MAGI2: variants seen among roughly 807,000 people sequenced by gnomAD.
MAGI2 encodes the protein membrane associated guanylate kinase, WW and PDZ domain containing 2.
MAGI2 carries 35 observed loss-of-function variants against 133.3 expected under a neutral mutation model. That is an observed-to-expected ratio of 0.26 (90% CI 0.20 to 0.35). The LOEUF (loss-of-function observed/expected upper bound fraction) is 0.35, where lower values mean the gene tolerates loss of function less well. Among genes scored for constraint, MAGI2 ranks in the 10% least tolerant of loss-of-function variants. The pLI, the probability that MAGI2 is intolerant of heterozygous loss-of-function variation, is 1.00. For synonymous variants in MAGI2, 729 were observed against 710.6 expected (o/e 1.03, Z -0.41); for missense variants, 1,636 against 1,863.4 (o/e 0.88, Z 2.25).
chr7:78,254,590 G>C (rs1428041082), intron 10 of MAGI2: 3 of 152,184 alleles, frequency 2.0e-5, no homozygotes, highest in Non-Finnish European at 2.9e-5. Context: ...CTAAGACTTT[G>C]TAGAGTGCTG....
chr7:78,312,760 C>T (rs1023292924), intron 9 of MAGI2, among the ~76,000 whole-genome samples: 22 of 151,754 alleles, frequency 1.4e-4, no homozygotes, highest in African/African-American at 5.1e-4. Context: ...AAAATAGAAC[C>T]GCCATTCCAT....
At chr7:78,041,297 G>C (rs1188266642) in intron 21 of MAGI2, among the ~76,000 whole-genome samples, 1 of 152,184 alleles carries the variant, frequency 6.6e-6, no homozygotes, top group Admixed American at 6.5e-5. Flanking sequence ...TTGGTTGAAT[G>C]AAAGACATAG....
At chr7:79,287,605 A>C (rs1836117160) in intron 1 of MAGI2, among the ~76,000 whole-genome samples, 1 of 152,170 alleles carries the variant, frequency 6.6e-6, no homozygotes, top group Non-Finnish European at 1.5e-5. Context: ...CATGATACAT[A>C]ACCTGTCTGA....
chr7:79,200,627 T>G lies in MAGI2; in HGVS notation c.302-193421A>C, dbSNP rs975965512. Reference sequence around the variant, plus strand: ...CCCCATCTCAAAAAAAAAAAAAAGTTTATATCTATTGATATATCTCATTTC... The same window carrying G: ...CCCCATCTCAAAAAAAAAAAAAAGTGTATATCTATTGATATATCTCATTTC... On this transcript the variant is annotated intron_variant, in intron 1 of 21. Transcript: ENST00000354212. Among the ~76,000 whole-genome samples the G allele has an allele frequency of 1.7e-4, 26 of 151,402 alleles. 1 individual carries two copies. The highest frequency in any genetic ancestry group is 6.3e-4 in the African/African-American group (26 of 41,024).
At chr7:78,302,291 C>T (rs1401498470) in intron 9 of MAGI2, among the ~76,000 whole-genome samples, 1 of 152,096 alleles carries the variant, frequency 6.6e-6, no homozygotes, top group Non-Finnish European at 1.5e-5. Flanking sequence ...TGCCTTGGTC[C>T]CATCTTTACA....
intron 2 of MAGI2, among the ~76,000 whole-genome samples, chr7:78,851,126 GAAGAT>G (rs1162270643): frequency 1.3e-5 from 2 of 151,924 alleles, no homozygotes; most frequent in Non-Finnish European, 2.9e-5. Flanking sequence ...TTTTCGTAGA[GAAGAT>G]AAGAAAATAA....
chr7:79,208,276 A>G (rs551531837), intron 1 of MAGI2, among the ~76,000 whole-genome samples: 3 of 152,094 alleles, frequency 2.0e-5, no homozygotes, highest in Non-Finnish European at 4.4e-5. Flanking sequence ...ATATTTTCAA[A>G]ATATACATCT....
At chr7:79,117,331 T>C (rs1243172094) in intron 1 of MAGI2, among the ~76,000 whole-genome samples, 5 of 152,100 alleles carry the variant, frequency 3.3e-5, no homozygotes, top group African/African-American at 1.2e-4. Context: ...AATATTTACC[T>C]CTCAAGAGCA....
At chr7:78,451,029 T>A (rs1388088858) in intron 6 of MAGI2, among the ~76,000 whole-genome samples, 1 of 152,072 alleles carries the variant, frequency 6.6e-6, no homozygotes, top group Non-Finnish European at 1.5e-5. Flanking sequence ...AGTAGTGAAA[T>A]GTTGACATCA....
intron 1 of MAGI2, among the ~76,000 whole-genome samples, chr7:79,191,238 T>A (rs1383276407): frequency 1.3e-5 from 2 of 151,612 alleles, no homozygotes; most frequent in Non-Finnish European, 2.9e-5. Context: ...TGATTTAGGT[T>A]GTGTTAAATT....
chr7:78,586,207 G>A (rs1245069798), intron 3 of MAGI2, among the ~76,000 whole-genome samples: 2 of 152,188 alleles, frequency 1.3e-5, no homozygotes, highest in Non-Finnish European at 2.9e-5. Flanking sequence ...ATTCAGCAAT[G>A]TTAGTTTCCT....
At chr7:78,614,484 C>T (rs978968075) in intron 3 of MAGI2, 8 of 152,048 alleles carry the variant, frequency 5.3e-5, no homozygotes, top group African/African-American at 1.9e-4. Context: ...ATGCCACATA[C>T]AAGATTTCTG....
intron 2 of MAGI2, among the ~76,000 whole-genome samples, chr7:78,774,802 G>T (rs887176061): frequency 2.6e-5 from 4 of 152,192 alleles, no homozygotes; most frequent in Non-Finnish European, 4.4e-5. Context: ...AGAGACTAAA[G>T]GTCCCAGATG....
intron 9 of MAGI2, among the ~76,000 whole-genome samples, chr7:78,312,949 T>C (rs1000457712): frequency 6.6e-6 from 1 of 150,964 alleles, no homozygotes; most frequent in Non-Finnish European, 1.5e-5. Context: ...TATATATGTG[T>C]ATATAGATAT....
At chr7:79,208,608 G>T (rs1333829042) in intron 1 of MAGI2, among the ~76,000 whole-genome samples, 1 of 151,980 alleles carries the variant, frequency 6.6e-6, no homozygotes, top group Admixed American at 6.6e-5. Flanking sequence ...AGCCATCATG[G>T]AAAACAGTAT....
chr7:78,497,636 A>G (rs188555508), intron 5 of MAGI2, among the ~76,000 whole-genome samples: 15 of 152,318 alleles, frequency 9.8e-5, no homozygotes, highest in African/African-American at 2.9e-4. Context: ...ACCTTAACTC[A>G]AAACCTATAC....
At chr7:78,909,643 T>C (rs1336550755) in intron 2 of MAGI2, among the ~76,000 whole-genome samples, 9 of 134,934 alleles carry the variant, frequency 6.7e-5, no homozygotes, top group African/African-American at 2.5e-4. Context: ...AAACAACAGA[T>C]ACTGGTGAGG....
intron 2 of MAGI2, among the ~76,000 whole-genome samples, chr7:78,802,119 T>C (rs1471168313): frequency 6.6e-6 from 1 of 152,232 alleles, no homozygotes; most frequent in Non-Finnish European, 1.5e-5. Context: ...TTCTGTACTC[T>C]TCTCCAGGCC....
intron 1 of MAGI2, among the ~76,000 whole-genome samples, chr7:79,293,353 G>T (rs976861413): frequency 9.2e-5 from 14 of 152,038 alleles, no homozygotes; most frequent in African/African-American, 3.1e-4. Flanking sequence ...GTACTTACAA[G>T]TATATAAAAA....
Sources: allele counts gnomAD v4.1 joint callset (sites outside exome capture counted in the v4.1 genomes callset), GRCh38; gene constraint gnomAD v4.1.1; transcripts MANE v1.5; gene names NCBI Gene and HGNC (gene_info 2026-07-23, HGNC 2026-07-21).